BOD1: variants seen among roughly 807,000 people sequenced by gnomAD.
BOD1 encodes the protein biorientation of chromosomes in cell division 1.
A neutral mutation model predicts 15.7 loss-of-function variants in BOD1; 11 were observed. The ratio of observed to expected loss-of-function variants is 0.70; its 90% confidence interval spans 0.44 to 1.16. The LOEUF is 1.16. Ranked by LOEUF, BOD1 falls within the 50% of genes most tolerant of loss-of-function variation. The pLI, the probability that BOD1 is intolerant of heterozygous loss-of-function variation, is 0.00. For synonymous variants in BOD1, 105 were observed against 103.5 expected (o/e 1.01, Z -0.09); for missense variants, 182 against 244.5 (o/e 0.74, Z 1.70).
intron 1 of BOD1, chr5:173,614,792 T>TC (rs1186150609): frequency 6.6e-6 from 1 of 152,260 alleles, no homozygotes; most frequent in African/African-American, 2.4e-5. Context: ...GGTAGTCCCC[T>TC]CCCCCCTCAG....
intron 2 of BOD1, among the ~76,000 whole-genome samples, chr5:173,610,836 G>A (rs1003318976): frequency 5.3e-5 from 8 of 152,188 alleles, no homozygotes; most frequent in Non-Finnish European, 8.8e-5. Flanking sequence ...TCGGGTCATG[G>A]GGGCAGAGCC....
At position 173,616,311 on chromosome 5, in the gene BOD1, G is replaced by A; in HGVS notation, c.126C>T (p.Ala42=). 1 of 1,538,848 alleles carries A rather than the reference G, an allele frequency of 6.5e-7. No homozygotes were observed. The highest frequency in any genetic ancestry group is 8.7e-7 in the Non-Finnish European group (1 of 1,146,526). ...ASGGGGPINP[A]SLPPGDPQLI... ...GCTGCGGGTCGCCGGGAGGCAGCGA[G>A]GCCGGGTTGATGGGGCCACCGCCCC... Residue 42 remains alanine (A), a synonymous_variant, in exon 1 of 4, where the codon GCC becomes GCT. Transcript: ENST00000311086.
chr5:173,616,502 C>T lies in BOD1; in HGVS notation c.-66G>A, dbSNP rs747600505. The T allele has an allele frequency of 2.0e-6, 3 of 1,517,760 alleles. No homozygotes were observed. The Admixed American group carries it at 6.2e-5, about 31-fold the overall frequency. 94.0% of individuals were successfully genotyped at this position (1,517,760 alleles called of 1,614,324 possible). ...CTTCTCCAGGACAGAAGGCCTAGAACGTGTAGAGGTGGTGAAGGGGGCGGT... is the reference window on the plus strand; with the variant it reads ...CTTCTCCAGGACAGAAGGCCTAGAATGTGTAGAGGTGGTGAAGGGGGCGGT... On this transcript the variant is annotated 5_prime_UTR_variant, in exon 1 of 4. Transcript: ENST00000311086.
In BOD1 at chr5:173,608,216, A is replaced by C. The variant is rs1443645862; in HGVS notation, c.*78T>G. 1 of 1,559,224 alleles carries C rather than the reference A, an allele frequency of 6.4e-7. No individual in the cohort carries two copies. Among genetic ancestry groups the C allele is most frequent in the Admixed American group, 1.7e-5 (1 of 59,772 alleles). ...TCAGTGACGACCTTGGCCTATCTTCAGTCTGAAGTTGCACTCTTATGTAAC... is the reference window on the plus strand; with the variant it reads ...TCAGTGACGACCTTGGCCTATCTTCCGTCTGAAGTTGCACTCTTATGTAAC... On this transcript the variant is annotated 3_prime_UTR_variant, in exon 4 of 4. Coordinates refer to ENST00000311086, the MANE Select transcript of BOD1 (RefSeq NM_138369.3).
intron 1 of BOD1, among the ~76,000 whole-genome samples, 188 bp downstream of exon 1, chr5:173,616,012 T>G (rs1283353234): frequency 6.6e-6 from 1 of 152,158 alleles, no homozygotes; most frequent in Non-Finnish European, 1.5e-5. Flanking sequence ...TAGTAGTAAA[T>G]GTATCAGGCA....
chr5:173,612,047 G>A (rs1755368752), intron 2 of BOD1, among the ~76,000 whole-genome samples: 1 of 152,204 alleles, frequency 6.6e-6, no homozygotes, highest in Non-Finnish European at 1.5e-5. Flanking sequence ...GAAAGAGCCC[G>A]GTGCCACCAG....
Position 173,608,187 on chromosome 5 carries a change from G to T in BOD1, c.*107C>A. 1 of 1,351,300 alleles carries T rather than the reference G, an allele frequency of 7.4e-7. No individual in the cohort carries two copies. Among genetic ancestry groups the T allele is most frequent in the Non-Finnish European group, 1.1e-6 (1 of 942,782 alleles). 83.7% of individuals were successfully genotyped at this position (1,351,300 alleles called of 1,614,324 possible). On this transcript the variant is annotated 3_prime_UTR_variant, in exon 4 of 4. Coordinates refer to ENST00000311086, the MANE Select transcript of BOD1 (RefSeq NM_138369.3). ...TGCCCATGGTCAAGGTTGAAATCTT[G>T]AGATCAGTGACGACCTTGGCCTATC...
Position 173,613,114 on chromosome 5 carries a change from A to C in BOD1, c.362+17T>G. On this transcript the variant is annotated intron_variant, in intron 2 of 3. Coordinates refer to ENST00000311086, the MANE Select transcript of BOD1 (RefSeq NM_138369.3). ...TGATGACTGCCTTTTCAAAAGCTTT[A>C]AATTCTGCTTACTTACTGAACCACA... 1.4e-6 allele frequency: 2 copies of C among 1,472,146 alleles called. No individual in the cohort carries two copies. The highest frequency in any genetic ancestry group is 1.8e-6 in the Non-Finnish European group (2 of 1,100,548). 91.2% of individuals were successfully genotyped at this position (1,472,146 alleles called of 1,614,324 possible). A position where few individuals can be genotyped will look rare whatever the true frequency, so the allele number is the denominator to read the frequency against.
Sources: allele counts gnomAD v4.1 joint callset (sites outside exome capture counted in the v4.1 genomes callset), GRCh38; gene constraint gnomAD v4.1.1; transcripts MANE v1.5; gene names NCBI Gene and HGNC (gene_info 2026-07-23, HGNC 2026-07-21).